GLIS3: variants seen among roughly 807,000 people sequenced by gnomAD.
GLIS3 encodes GLIS family zinc finger 3.
GLIS3 carries 53 observed loss-of-function variants against 78.6 expected under a neutral mutation model. The ratio of observed to expected loss-of-function variants is 0.67; its 90% CI spans 0.54 to 0.85. The LOEUF (loss-of-function observed/expected upper bound fraction) is 0.85, where lower values mean the gene tolerates loss of function less well. Ranked by LOEUF, GLIS3 falls within the 40% of genes least tolerant of loss-of-function variation. GLIS3 has a pLI of 0.00. For synonymous variants in GLIS3, 684 were observed against 509.9 expected (o/e 1.34, Z -4.60); for missense variants, 1,703 against 1,231.1 (o/e 1.38, Z -5.74).
At chr9:3,917,685 G>T (rs702266) in intron 6 of GLIS3, among the ~76,000 whole-genome samples, 125,545 of 151,644 alleles carry the variant, frequency 0.83, 52,356 homozygotes, top group Admixed American at 0.88. Context: ...TTATTCCCCA[G>T]GGCCCCACTG....
At chr9:4,053,497 C>A (rs922331689) in intron 4 of GLIS3, among the ~76,000 whole-genome samples, 2 of 152,060 alleles carry the variant, frequency 1.3e-5, no homozygotes, top group African/African-American at 4.8e-5. Flanking sequence ...GTCTACTTCT[C>A]TTCCTTTCTA....
chr9:4,209,439 G>C (rs1820186526), intron 2 of GLIS3, among the ~76,000 whole-genome samples: 1 of 152,126 alleles, frequency 6.6e-6, no homozygotes, highest in African/African-American at 2.4e-5. Flanking sequence ...CACACACAAA[G>C]AACCCTCCTA....
At chr9:4,249,042 T>C (rs749082525) in intron 2 of GLIS3, among the ~76,000 whole-genome samples, 82 of 152,222 alleles carry the variant, frequency 5.4e-4, no homozygotes, top group African/African-American at 1.8e-3. Context: ...CCTTGTAGTA[T>C]AGTTTGAAGT....
At chr9:4,167,451 C>A (rs1221740088) in intron 2 of GLIS3, among the ~76,000 whole-genome samples, 3 of 152,178 alleles carry the variant, frequency 2.0e-5, no homozygotes, top group South Asian at 2.1e-4. Flanking sequence ...CATATATCCT[C>A]ACATAAGCCT....
At position 4,186,100 on chromosome 9, in the gene GLIS3, T is replaced by C. The variant is rs185082604; in HGVS notation, c.389-60159A>G. ...GTGCCATGCTGGTGTGCTGCACACA[T>C]TAACTCGTCATTTAGCATTAGGTAT... On this transcript the variant is annotated intron_variant, in intron 2 of 10. Transcript: ENST00000381971. 6.4e-3 allele frequency among the ~76,000 whole-genome samples: 973 copies of C among 151,716 alleles called. 9 individuals are homozygous for C. Among genetic ancestry groups the C allele is most frequent in the African/African-American group, 0.022 (911 of 41,274 alleles).
chr9:4,135,711 A>C (rs1564101244), intron 2 of GLIS3, among the ~76,000 whole-genome samples: 1 of 152,208 alleles, frequency 6.6e-6, no homozygotes, highest in Non-Finnish European at 1.5e-5. Flanking sequence ...AATGGGAGAA[A>C]CATCAAGTAT....
At chr9:3,930,569 C>A (rs183912138) in intron 6 of GLIS3, among the ~76,000 whole-genome samples, 1 of 152,082 alleles carries the variant, frequency 6.6e-6, no homozygotes, top group South Asian at 2.1e-4. Flanking sequence ...CAGGAGAAAC[C>A]ATTAATAATT....
intron 9 of GLIS3, among the ~76,000 whole-genome samples, chr9:3,844,143 C>G (rs748406996): frequency 1.3e-5 from 2 of 152,090 alleles, no homozygotes; most frequent in Admixed American, 6.6e-5. Context: ...GGGGACAGAT[C>G]AAGCCAGTTC....
intron 4 of GLIS3, among the ~76,000 whole-genome samples, chr9:3,959,386 C>T (rs1295337096): frequency 6.6e-6 from 1 of 152,180 alleles, no homozygotes; most frequent in Admixed American, 6.5e-5. Flanking sequence ...TATAAGCCCC[C>T]TAGTCTGTGA....
chr9:4,298,553 C>T (rs1816811786), intron 1 of GLIS3: 1 of 331,400 alleles, frequency 3.0e-6, no homozygotes, highest in African/African-American at 2.2e-5. Context: ...TCACGCTTTC[C>T]AGAGAGCGAC....
chr9:4,371,812 T>C, the GLIS3 span, among the ~76,000 whole-genome samples: 150,876 of 152,338 alleles, frequency 0.99, 74,729 homozygotes, highest in Middle Eastern at 1. Flanking sequence ...TGGCTCCAGT[T>C]GCCCTGAAGA....
chr9:4,343,612 A>G lies in GLIS3; in HGVS notation n.264+3469T>C, dbSNP rs146977080. On this transcript the variant is annotated intron_variant and non_coding_transcript_variant, in intron 2 of 4. Transcript: ENST00000471664. Reference sequence around the variant, plus strand: ...CATTCTACCATAAAGACACATGCACATGTATGCTTATCACAGCACTAGTCA... The same window carrying G: ...CATTCTACCATAAAGACACATGCACGTGTATGCTTATCACAGCACTAGTCA... Among the ~76,000 whole-genome samples the G allele has an allele frequency of 3.8e-4, 58 of 152,350 alleles. 1 individual carries two copies. Among genetic ancestry groups the G allele is most frequent in the African/African-American group, 1.3e-3 (55 of 41,578 alleles).
intron 4 of GLIS3, among the ~76,000 whole-genome samples, chr9:4,061,709 G>A (rs183766421): frequency 4.8e-4 from 73 of 152,208 alleles, no homozygotes; most frequent in African/African-American, 1.4e-3. Context: ...ATTATCAAAA[G>A]CTTCATGATA....
chr9:4,080,251 C>A (rs1032224698), intron 4 of GLIS3, among the ~76,000 whole-genome samples: 1 of 152,172 alleles, frequency 6.6e-6, no homozygotes, highest in Non-Finnish European at 1.5e-5. Flanking sequence ...ATTTCCTGAG[C>A]ACCCACCATG....
intron 4 of GLIS3, among the ~76,000 whole-genome samples, chr9:3,942,082 C>T (rs1161263081): frequency 1.3e-5 from 2 of 152,108 alleles, no homozygotes; most frequent in Admixed American, 1.3e-4. Context: ...TTACTCCCTC[C>T]CCTAATTAGT....
the GLIS3 span, among the ~76,000 whole-genome samples, chr9:4,358,950 C>G: frequency 6.6e-6 from 1 of 152,188 alleles, no homozygotes; most frequent in Non-Finnish European, 1.5e-5. Context: ...CAAGATGTGG[C>G]TGGGTTCCTA....
intron 4 of GLIS3, among the ~76,000 whole-genome samples, chr9:4,086,810 C>G (rs1033886853): frequency 6.6e-6 from 1 of 152,212 alleles, no homozygotes; most frequent in African/African-American, 2.4e-5. Context: ...ACTTGAATAA[C>G]CCCTGTGGAG....
At chr9:4,086,887 G>T (rs558927753) in intron 4 of GLIS3, among the ~76,000 whole-genome samples, 1 of 152,170 alleles carries the variant, frequency 6.6e-6, no homozygotes, top group South Asian at 2.1e-4. Context: ...ATTCTCCACA[G>T]TCTAACTGAT....
chr9:4,177,615 A>G (rs536679406), intron 2 of GLIS3, among the ~76,000 whole-genome samples: 30 of 152,314 alleles, frequency 2.0e-4, no homozygotes, highest in African/African-American at 7.0e-4. Flanking sequence ...GTTGATTTCT[A>G]AGATCTATTT....
Sources: gnomAD v4.1 joint callset for allele counts (sites outside exome capture counted in the v4.1 genomes callset) on GRCh38, gnomAD v4.1.1 for gene constraint, MANE v1.5 for transcripts, NCBI Gene and HGNC (gene_info 2026-07-23, HGNC 2026-07-21) for gene names.